The following COL21A1 variants were observed in gnomAD, a reference collection of about 807,000 sequenced individuals.
The protein encoded by COL21A1 is collagen type XXI alpha 1 chain, also known as collagen alpha-1(XXI) chain.
In COL21A1, 149 loss-of-function variants were observed where a neutral mutation model predicts 137.9. The observed-to-expected ratio is 1.08, with a 90% CI of 0.95 to 1.24. COL21A1 has a LOEUF of 1.24. Ranked by LOEUF, COL21A1 falls within the 50% of genes most tolerant of loss-of-function variation. COL21A1 has a pLI of 0.00. For synonymous variants in COL21A1, 456 were observed against 391.5 expected, an observed-to-expected ratio of 1.16 and a Z score of -1.95; for missense variants, 1,167 against 1,158.4, an observed-to-expected ratio of 1.01 and a Z score of -0.11.
At chr6:56,321,234 T>G (rs1336053925) in intron 1 of COL21A1, among the ~76,000 whole-genome samples, 1 of 152,112 alleles carries the variant, frequency 6.6e-6, no homozygotes, top group Non-Finnish European at 1.5e-5. Flanking sequence ...TTTCAAGAAT[T>G]TTTGTATACT....
At chr6:56,304,857 C>G (rs190755277) in intron 1 of COL21A1, among the ~76,000 whole-genome samples, 2,055 of 152,296 alleles carry the variant, frequency 0.013, 22 homozygotes, top group Non-Finnish European at 0.021. Context: ...CCTGCTTTCT[C>G]TTGTGGACAT....
intron 1 of COL21A1, among the ~76,000 whole-genome samples, chr6:56,377,523 A>T (rs944912239): frequency 6.6e-6 from 1 of 152,108 alleles, no homozygotes; most frequent in Non-Finnish European, 1.5e-5. Context: ...CTATAGAGAG[A>T]GCATTTAAAC....
intron 1 of COL21A1, among the ~76,000 whole-genome samples, chr6:56,289,180 G>A (rs1383857378): frequency 2.0e-5 from 3 of 152,164 alleles, no homozygotes; most frequent in African/African-American, 7.2e-5. Context: ...CATTCTTACT[G>A]ATATTAACCA....
chr6:56,331,454 A>G (rs966390307), intron 1 of COL21A1, among the ~76,000 whole-genome samples: 4 of 151,936 alleles, frequency 2.6e-5, no homozygotes, highest in African/African-American at 4.8e-5. Flanking sequence ...TTAATTTTTT[A>G]TATGGTGAAA....
At chr6:56,370,474 C>T (rs565711977) in intron 1 of COL21A1, among the ~76,000 whole-genome samples, 2 of 152,324 alleles carry the variant, frequency 1.3e-5, no homozygotes, top group East Asian at 3.9e-4. Context: ...TGCGGTCCCT[C>T]TGTGAGGGCA....
At chr6:56,386,588 CTTG>C (rs142373993) in intron 1 of COL21A1, among the ~76,000 whole-genome samples, 35,463 of 151,694 alleles carry the variant, frequency 0.23, 5,392 homozygotes, top group East Asian at 0.62. Flanking sequence ...CTTGATAAAA[CTTG>C]TTGTTGTTGT....
At chr6:56,074,363 C>T (rs750772731) in intron 19 of COL21A1, 78 bp from the exon 20 acceptor site, 6 of 925,898 alleles carry the variant, frequency 6.5e-6, no homozygotes, top group Non-Finnish European at 1.0e-5. Context: ...CCAAGTTACA[C>T]ATTCTCATAA....
At chr6:56,393,293 A>G (rs2094033524) in intron 1 of COL21A1, among the ~76,000 whole-genome samples, 3 of 152,336 alleles carry the variant, frequency 2.0e-5, no homozygotes, top group African/African-American at 7.2e-5. Flanking sequence ...CTGGATATCT[A>G]TGTGCAGAAG....
chr6:56,060,520 C>A, intron 27 of COL21A1: 3 of 476,222 alleles, frequency 6.3e-6, no homozygotes, highest in Non-Finnish European at 1.1e-5. Context: ...AAAGAAAATT[C>A]AAATAATGGC....
chr6:56,258,409 C>T (rs569400236), intron 1 of COL21A1, among the ~76,000 whole-genome samples: 54 of 152,138 alleles, frequency 3.5e-4, no homozygotes, highest in Non-Finnish European at 5.4e-4. Context: ...ACACCTCCAA[C>T]TACTCCACTC....
chr6:56,334,780 A>T (rs1765301562), intron 1 of COL21A1, among the ~76,000 whole-genome samples: 1 of 152,188 alleles, frequency 6.6e-6, no homozygotes, highest in Admixed American at 6.5e-5. Flanking sequence ...CTCTGCCATC[A>T]TAAGTGGATG....
At chr6:56,145,006 G>A (rs1774725742) in intron 10 of COL21A1, among the ~76,000 whole-genome samples, 1 of 152,134 alleles carries the variant, frequency 6.6e-6, no homozygotes, top group Non-Finnish European at 1.5e-5. Flanking sequence ...CAATAAATGT[G>A]CGTTTCTTTC....
At chr6:56,308,403 G>C (rs1764521066) in intron 1 of COL21A1, among the ~76,000 whole-genome samples, 2 of 152,154 alleles carry the variant, frequency 1.3e-5, no homozygotes, top group South Asian at 2.1e-4. Flanking sequence ...TGATATTTTT[G>C]TTAAACTAGC....
intron 1 of COL21A1, among the ~76,000 whole-genome samples, chr6:56,246,868 A>G (rs1782676120): frequency 8.7e-6 from 1 of 115,606 alleles, no homozygotes; most frequent in Non-Finnish European, 1.8e-5. Context: ...GTTAATGCTC[A>G]AAGTCCCACC....
intron 1 of COL21A1, among the ~76,000 whole-genome samples, chr6:56,284,380 G>T (rs4329119): frequency 1.3e-5 from 2 of 152,038 alleles, no homozygotes; most frequent in Non-Finnish European, 1.5e-5. Context: ...ATGTTAAAAA[G>T]TGATCTTCAC....
At chr6:56,314,575 A>T (rs1235321100) in intron 1 of COL21A1, among the ~76,000 whole-genome samples, 1 of 152,102 alleles carries the variant, frequency 6.6e-6, no homozygotes. Flanking sequence ...TTTTTTCCTC[A>T]ACTTCAAAGT....
At chr6:56,101,547 G>A (rs1582357215) in intron 16 of COL21A1, 22 bp from the exon 17 acceptor site, 1 of 1,558,204 alleles carries the variant, frequency 6.4e-7, no homozygotes, top group Non-Finnish European at 8.7e-7. Context: ...TTGACAAAAA[G>A]AAATAGAGAA....
chr6:56,219,408 A>T (rs529357606), intron 1 of COL21A1, among the ~76,000 whole-genome samples: 1 of 151,928 alleles, frequency 6.6e-6, no homozygotes, highest in East Asian at 1.9e-4. Context: ...AAAGGGCCCA[A>T]TTCTTCTCCA....
rs1765111368 is a variant in COL21A1 at position 56,327,041 on chromosome 6, G to A, written c.-39+66930C>T. Among the ~76,000 whole-genome samples, 3 of 151,922 alleles carry A rather than the reference G, an allele frequency of 2.0e-5. No individual in the cohort carries two copies. In the South Asian group the frequency reaches 6.2e-4, roughly 31 times the overall value. On this transcript the variant is annotated intron_variant, in intron 1 of 28. Transcript: ENST00000370819. The stretch of plus-strand genomic sequence containing the variant: ...CAGAATGGACTTTTTCCCTTTTTAT[G>A]TAAACCAGTATGATCAAGTTAACAT...
Sources: gnomAD v4.1 joint callset for allele counts (sites outside exome capture counted in the v4.1 genomes callset) on GRCh38, gnomAD v4.1.1 for gene constraint, MANE v1.5 for transcripts, NCBI Gene and HGNC (gene_info 2026-07-23, HGNC 2026-07-21) for gene names.